Variants in C12orf42 observed in about 807,000 individuals in gnomAD.
C12orf42 encodes the protein uncharacterized protein C12orf42.
C12orf42 carries 25 observed loss-of-function variants against 21.6 expected under a neutral mutation model. That is an observed-to-expected ratio of 1.16 (90% CI 0.84 to 1.62). The LOEUF is 1.62. Ranked by LOEUF, C12orf42 falls within the 40% of genes most tolerant of loss-of-function variation. The probability of loss-of-function intolerance (pLI) is 0.00; values close to 1 mark genes in which losing one functional copy is unlikely to be tolerated. For missense variants in C12orf42, 483 were observed against 459.3 expected, an observed-to-expected ratio of 1.05 and a Z score of -0.47; for synonymous variants, 174 against 175.0, an observed-to-expected ratio of 0.99 and a Z score of 0.05.
At chr12:103,470,585 G>A (rs1411266273) in intron 2 of C12orf42, among the ~76,000 whole-genome samples, 4 of 152,146 alleles carry the variant, frequency 2.6e-5, no homozygotes, top group Non-Finnish European at 4.4e-5. Flanking sequence ...CCCTCCCCTT[G>A]AATCTGGGCA....
the C12orf42 span, among the ~76,000 whole-genome samples, chr12:103,520,992 T>C: frequency 3.9e-5 from 6 of 152,244 alleles, no homozygotes; most frequent in Non-Finnish European, 8.8e-5. Flanking sequence ...TCTACTATAG[T>C]GCTTGTCTCC....
intron 4 of C12orf42, among the ~76,000 whole-genome samples, chr12:103,361,072 G>A (rs2044057986): frequency 6.6e-6 from 1 of 152,036 alleles, no homozygotes; most frequent in South Asian, 2.1e-4. Flanking sequence ...AGCATGTGGA[G>A]ACTTATATCA....
At chr12:103,203,375 GAAT>G in the C12orf42 span, among the ~76,000 whole-genome samples, 7 of 152,134 alleles carry the variant, frequency 4.6e-5, no homozygotes, top group Admixed American at 3.3e-4. Flanking sequence ...CAGTGAAAAA[GAAT>G]AATGTTTACT....
chr12:103,324,750 T>G (rs2040511780), intron 4 of C12orf42, among the ~76,000 whole-genome samples: 1 of 152,198 alleles, frequency 6.6e-6, no homozygotes, highest in South Asian at 2.1e-4. Context: ...ACAGCCACTC[T>G]AGGACCAGGT....
chr12:103,253,987 A>G lies in C12orf42; in HGVS notation c.*1366+9339T>C, dbSNP rs1014694392. 2.6e-5 allele frequency among the ~76,000 whole-genome samples: 4 copies of G among 152,032 alleles called. No individual in the cohort carries two copies. The South Asian group carries it at 8.3e-4, about 32-fold the overall frequency. On this transcript the variant is annotated intron_variant and NMD_transcript_variant, in intron 10 of 10. Coordinates refer to the C12orf42 transcript ENST00000547347. ...CAGAAGCTCTTTAGTTTAATTAGAT[A>G]CCATTTGTCAATTTTTGCTTTTGTT...
chr12:103,098,726 C>G, the C12orf42 span, among the ~76,000 whole-genome samples: 1 of 152,198 alleles, frequency 6.6e-6, no homozygotes, highest in African/African-American at 2.4e-5. Flanking sequence ...GGTCCATTAG[C>G]ATCTTTCTAG....
At chr12:103,520,618 C>G in the C12orf42 span, among the ~76,000 whole-genome samples, 1 of 151,994 alleles carries the variant, frequency 6.6e-6, no homozygotes, top group Non-Finnish European at 1.5e-5. Context: ...CAGGAACTCA[C>G]AACTGCAGTG....
chr12:103,296,376 C>T (rs891588909), intron 4 of C12orf42, among the ~76,000 whole-genome samples: 12 of 152,204 alleles, frequency 7.9e-5, no homozygotes, highest in Non-Finnish European at 1.5e-4. Context: ...TGGGTATATA[C>T]GCAGTAATGA....
chr12:103,321,934 G>T (rs572717657), intron 4 of C12orf42, among the ~76,000 whole-genome samples: 1 of 152,016 alleles, frequency 6.6e-6, no homozygotes, highest in South Asian at 2.1e-4. Flanking sequence ...GTTAGTGGGT[G>T]CAGCACACCA....
chr12:103,168,730 A>G, the C12orf42 span, among the ~76,000 whole-genome samples: 1 of 152,196 alleles, frequency 6.6e-6, no homozygotes, highest in South Asian at 2.1e-4. Context: ...TTGCAGCACT[A>G]TTCACAATAG....
the C12orf42 span, among the ~76,000 whole-genome samples, chr12:103,540,604 G>A: frequency 6.6e-6 from 1 of 151,616 alleles, no homozygotes; most frequent in African/African-American, 2.4e-5. Context: ...TATTAATATT[G>A]CAACCGCAGC....
intron 4 of C12orf42, among the ~76,000 whole-genome samples, chr12:103,281,915 A>AAAAGAAAGAAAG (rs3063699): frequency 0.065 from 9,164 of 141,828 alleles, 337 homozygotes; most frequent in East Asian, 0.1. Flanking sequence ...AGAAGAAAGA[A>AAAAGAAAGAAAG]AAAGAAAGAA....
intron 3 of C12orf42, among the ~76,000 whole-genome samples, chr12:103,384,288 G>A (rs2046426316): frequency 6.6e-6 from 1 of 152,028 alleles, no homozygotes; most frequent in Non-Finnish European, 1.5e-5. Context: ...CTGACCCTAG[G>A]AGAAACAAAA....
At chr12:103,456,390 T>C (rs993477307) in intron 2 of C12orf42, 12 of 152,168 alleles carry the variant, frequency 7.9e-5, no homozygotes, top group African/African-American at 2.9e-4. Flanking sequence ...TTGTCACTTA[T>C]GTCTCTAAAA....
chr12:103,554,123 C>T, the C12orf42 span, among the ~76,000 whole-genome samples: 44 of 152,274 alleles, frequency 2.9e-4, no homozygotes, highest in East Asian at 7.3e-3. Context: ...CTCTTAAAGA[C>T]TCAGTTCTGT....
intron 2 of C12orf42, among the ~76,000 whole-genome samples, chr12:103,452,173 A>G (rs778974035): frequency 2.0e-5 from 3 of 151,868 alleles, no homozygotes; most frequent in Non-Finnish European, 2.9e-5. Flanking sequence ...TTGTTTGGCT[A>G]TGGGCTGAAG....
intron 2 of C12orf42, among the ~76,000 whole-genome samples, chr12:103,423,730 C>T (rs1441391572): frequency 6.6e-6 from 1 of 152,076 alleles, no homozygotes; most frequent in Admixed American, 6.5e-5. Context: ...ATTTAAAATA[C>T]TTTTTTCCCC....
chr12:103,214,598 G>A, the C12orf42 span, among the ~76,000 whole-genome samples: 22 of 152,316 alleles, frequency 1.4e-4, no homozygotes, highest in East Asian at 4.2e-3. Context: ...GATTGCTGAT[G>A]TAAGAGCAAA....
chr12:103,293,081 C>T (rs1325244013), intron 4 of C12orf42, among the ~76,000 whole-genome samples: 2 of 151,186 alleles, frequency 1.3e-5, no homozygotes, highest in African/African-American at 4.9e-5. Context: ...CATACTATGC[C>T]AAAAATTTTT....
Sources: allele counts gnomAD v4.1 joint callset (sites outside exome capture counted in the v4.1 genomes callset), GRCh38; gene constraint gnomAD v4.1.1; transcripts MANE v1.5; gene names NCBI Gene and HGNC (gene_info 2026-07-23, HGNC 2026-07-21).